Variants in LAMA4 observed in about 807,000 individuals in gnomAD.
The protein encoded by LAMA4 is laminin subunit alpha-4.
A neutral mutation model predicts 207.1 loss-of-function variants in LAMA4; 127 were observed. The ratio of observed to expected loss-of-function variants is 0.61; its 90% confidence interval spans 0.53 to 0.71. The LOEUF (loss-of-function observed/expected upper bound fraction) is 0.71, where lower values mean the gene tolerates loss of function less well. Among genes scored for constraint, LAMA4 ranks in the 30% least tolerant of loss-of-function variants. The pLI, the probability that LAMA4 is intolerant of heterozygous loss-of-function variation, is 0.00. For synonymous variants in LAMA4, 761 were observed against 816.0 expected (o/e 0.93, Z 1.15); for missense variants, 2,093 against 2,246.5 (o/e 0.93, Z 1.38).
intron 2 of LAMA4, among the ~76,000 whole-genome samples, chr6:112,247,181 T>C (rs1787013644): frequency 6.6e-6 from 1 of 152,214 alleles, no homozygotes; most frequent in Non-Finnish European, 1.5e-5. Context: ...ACATATATTA[T>C]TTCATTTAAA....
chr6:112,224,009 C>A (rs781876194), intron 2 of LAMA4, among the ~76,000 whole-genome samples: 20 of 152,180 alleles, frequency 1.3e-4, no homozygotes, highest in Non-Finnish European at 2.5e-4. Flanking sequence ...AAGCAGTACT[C>A]TTTTCACTAT....
chr6:112,191,659 G>A lies in LAMA4; in HGVS notation c.695C>T (p.Ala232Val). 1 of 1,613,904 alleles carries A rather than the reference G, an allele frequency of 6.2e-7. No homozygotes were observed. The highest frequency in any genetic ancestry group is 1.7e-4 in the Middle Eastern group (1 of 6,056). Residue 232 changes from alanine to valine, a missense_variant, in exon 6 of 39, where the codon GCC becomes GTC. Ala to Val is a moderately conservative substitution (Grantham distance 64). Around this residue, in one of 3 missense-constraint regions of LAMA4, gnomAD observed 1,704 missense variants for 1,788.4 expected, o/e 0.95. Coordinates refer to ENST00000230538, the MANE Select transcript of LAMA4 (RefSeq NM_001105206.3). ...ERCAPGYYGDARIAKNCAVCN... is the reference protein window; with the variant it reads ...ERCAPGYYGDVRIAKNCAVCN... ...ACCTGCACAGTTCTTGGCTATCCTGGCGTCCCCATAGTAGCCAGGAGCGCA... is the reference window on the plus strand; with the variant it reads ...ACCTGCACAGTTCTTGGCTATCCTGACGTCCCCATAGTAGCCAGGAGCGCA...
intron 2 of LAMA4, among the ~76,000 whole-genome samples, chr6:112,227,049 ATT>A: frequency 7.1e-6 from 1 of 140,004 alleles, no homozygotes; most frequent in Non-Finnish European, 1.5e-5. Context: ...TATTTTATTT[ATT>A]TATTTATTTA....
intron 9 of LAMA4, among the ~76,000 whole-genome samples, chr6:112,180,429 A>T (rs1444628634): frequency 1.3e-5 from 2 of 152,200 alleles, no homozygotes; most frequent in Non-Finnish European, 2.9e-5. Context: ...GGCTTATATG[A>T]ATGTTTATTT....
chr6:112,212,314 C>T (rs1459680101), intron 3 of LAMA4, among the ~76,000 whole-genome samples: 1 of 151,434 alleles, frequency 6.6e-6, no homozygotes, highest in Non-Finnish European at 1.5e-5. Context: ...ACCTCCACTT[C>T]CTGGGTTCAA....
intron 2 of LAMA4, among the ~76,000 whole-genome samples, chr6:112,245,118 C>G (rs531500070): frequency 2.3e-4 from 35 of 152,264 alleles, no homozygotes; most frequent in African/African-American, 7.9e-4. Flanking sequence ...GGACAGATAG[C>G]AGGAAAAGAG....
intron 27 of LAMA4, 122 bp downstream of exon 27, chr6:112,133,227 T>C (rs966439957): frequency 3.9e-6 from 4 of 1,024,202 alleles, no homozygotes; most frequent in Non-Finnish European, 6.1e-6. Context: ...TTCTTTCTGG[T>C]GGTGGCAGAA....
chr6:112,222,086 C>T (rs952721850), intron 2 of LAMA4, among the ~76,000 whole-genome samples: 6 of 152,118 alleles, frequency 3.9e-5, no homozygotes, highest in African/African-American at 1.4e-4. Flanking sequence ...CTATAAAGTG[C>T]CAAAATGAGC....
intron 5 of LAMA4, among the ~76,000 whole-genome samples, chr6:112,198,463 C>T (rs546865603): frequency 2.0e-5 from 3 of 152,256 alleles, no homozygotes; most frequent in East Asian, 1.9e-4. Flanking sequence ...ACTCAGGCAA[C>T]TTAAGAGCTT....
At chr6:112,175,224 T>C in intron 11 of LAMA4, 89 bp downstream of exon 11, 1 of 1,277,482 alleles carries the variant, frequency 7.8e-7, no homozygotes, top group East Asian at 2.3e-5. Flanking sequence ...GTTGCTTTGA[T>C]TATATGTTGC....
intron 37 of LAMA4, 132 bp from the exon 38 acceptor site, chr6:112,114,327 A>C: frequency 1.1e-6 from 1 of 885,656 alleles, no homozygotes; most frequent in Non-Finnish European, 1.8e-6. Context: ...CTATATTATT[A>C]AAATCATCAA....
At chr6:112,216,627 T>C (rs1784640435) in intron 2 of LAMA4, 158 bp from the exon 3 acceptor site, 2 of 665,570 alleles carry the variant, frequency 3.0e-6, no homozygotes, top group Admixed American at 4.2e-5. Flanking sequence ...AATAAACTAT[T>C]TATACTACCA....
At chr6:112,181,909 C>T (rs1422837981) in intron 9 of LAMA4, among the ~76,000 whole-genome samples, 2 of 151,952 alleles carry the variant, frequency 1.3e-5, no homozygotes, top group African/African-American at 4.8e-5. Flanking sequence ...CCAACCTGAC[C>T]AACATGGTGA....
intron 2 of LAMA4, among the ~76,000 whole-genome samples, chr6:112,231,911 G>A (rs1785589552): frequency 6.6e-6 from 1 of 152,142 alleles, no homozygotes; most frequent in African/African-American, 2.4e-5. Flanking sequence ...AGGATTGTGT[G>A]TTGAACTCCC....
Position 112,189,143 on chromosome 6 carries a change from C to G in LAMA4, c.781G>C (p.Glu261Gln). Residue 261 changes from glutamate (E) to glutamine (Q), a missense_variant, in exon 7 of 39, where the codon GAA becomes CAA. Around this residue, in one of 3 missense-constraint regions of LAMA4, gnomAD observed 1,704 missense variants for 1,788.4 expected, o/e 0.95. Coordinates refer to ENST00000230538, the MANE Select transcript of LAMA4 (RefSeq NM_001105206.3). ...GGGCAGTCCATGCCTGTAGGGGGTT[C>G]AAAACCTTCTTCCAAGCATTCTCCG... The part of the protein sequence containing the change: ...VTGECLEEGF[E>Q]PPTGMDCPTI... 2 of 1,614,020 alleles carry G rather than the reference C, an allele frequency of 1.2e-6. No homozygotes were observed. Among genetic ancestry groups the G allele is most frequent in the Non-Finnish European group, 1.7e-6 (2 of 1,179,948 alleles).
At position 112,139,802 on chromosome 6, in the gene LAMA4, G is replaced by C. The variant is rs782479632; in HGVS notation, c.3060C>G (p.Asn1020Lys). The change falls in exon 23 of 39, where the codon AAC (asparagine) becomes AAG (lysine). Residue 1020 changes from asparagine (N) to lysine (K), a missense_variant. Around this residue, in one of 3 missense-constraint regions of LAMA4, gnomAD observed 1,704 missense variants for 1,788.4 expected, o/e 0.95. Transcript: ENST00000230538. ...GGTCCATATTATAGATGTGCTTAAAGTTGTACAAGCTGATCACATCATTAT... is the reference window on the plus strand; with the variant it reads ...GGTCCATATTATAGATGTGCTTAAACTTGTACAAGCTGATCACATCATTAT... ...TLNNDVISLY[N>K]FKHIYNMDPS... 1.2e-6 allele frequency: 2 copies of C among 1,614,032 alleles called. No individual in the cohort carries two copies. The highest frequency in any genetic ancestry group is 2.2e-5 in the South Asian group (2 of 91,082).
intron 8 of LAMA4, chr6:112,186,912 G>T (rs1455830664): frequency 4.4e-6 from 2 of 455,310 alleles, no homozygotes; most frequent in Non-Finnish European, 8.8e-6. Flanking sequence ...GTAGAGCTAT[G>T]AGGAGAAACA....
rs561454364 is a variant in LAMA4 at position 112,147,948 on chromosome 6, G to A, written c.2353+209C>T. On this transcript the variant is annotated intron_variant, in intron 18 of 38. Transcript: ENST00000230538. ...TTACCAATCCATCTAGTGTTCATAC[G>A]AAATATATGTATGTTTCTCATATGT... 1.8e-3 allele frequency among the ~76,000 whole-genome samples: 277 copies of A among 152,220 alleles called. 2 individuals are homozygous for A. Among genetic ancestry groups the A allele is most frequent in the South Asian group, 0.015 (70 of 4,822 alleles).
intron 9 of LAMA4, 151 bp downstream of exon 9, chr6:112,185,086 C>T: frequency 1.5e-6 from 1 of 688,538 alleles, no homozygotes; most frequent in South Asian, 1.6e-5. Flanking sequence ...ACTTTCTCCA[C>T]AGGTCTGGTC....
Sources: gnomAD v4.1 joint callset for allele counts (sites outside exome capture counted in the v4.1 genomes callset) on GRCh38, gnomAD v4.1.1 for gene constraint, gnomAD v4.1.1 regional missense constraint, MANE v1.5 for transcripts, NCBI Gene and HGNC (gene_info 2026-07-23, HGNC 2026-07-21) for gene names.